PALLD: variants seen among roughly 807,000 people sequenced by gnomAD.
PALLD encodes the protein palladin, cytoskeletal associated protein, also known as palladin.
A neutral mutation model predicts 123.5 loss-of-function variants in PALLD; 61 were observed. That is an observed-to-expected ratio of 0.49 (90% CI 0.40 to 0.61). The LOEUF (loss-of-function observed/expected upper bound fraction) is 0.61, where lower values mean the gene tolerates loss of function less well. PALLD is among the 20% of genes least tolerant of loss of function. The probability of loss-of-function intolerance (pLI) is 0.00; values close to 1 mark genes in which losing one functional copy is unlikely to be tolerated. For missense variants in PALLD, 1,273 were observed against 1,377.0 expected (o/e 0.92, Z 1.20); for synonymous variants, 465 against 496.4 (o/e 0.94, Z 0.84).
chr4:168,755,880 G>C, intron 10 of PALLD: 1 of 177,900 alleles, frequency 5.6e-6, no homozygotes, highest in Non-Finnish European at 1.2e-5. Flanking sequence ...ACTCTGAAGG[G>C]GCACAGTTCT....
intron 17 of PALLD, among the ~76,000 whole-genome samples, chr4:168,917,849 T>C (rs1340508638): frequency 6.6e-6 from 1 of 152,198 alleles, no homozygotes; most frequent in Non-Finnish European, 1.5e-5. Context: ...TTAAGAATTA[T>C]ACAGTACAGC....
At chr4:168,878,529 C>T (rs1002053427) in intron 10 of PALLD, 2 of 597,680 alleles carry the variant, frequency 3.3e-6, no homozygotes, top group East Asian at 3.3e-5. Context: ...CATTTCTCTC[C>T]GTGCGATGTA....
rs961071691 is a variant in PALLD, at chr4:168,927,091, A to C, written c.*911A>C. ...TAAAAGGCTAATTTAAATATAAATA[A>C]TATAAAGTGCTCTGAATAAAGCAGA... On this transcript the variant is annotated 3_prime_UTR_variant, in exon 22 of 22. Transcript: ENST00000505667. 2 of 222,794 alleles carry C rather than the reference A, an allele frequency of 9.0e-6. No individual in the cohort carries two copies. The highest frequency in any genetic ancestry group is 4.5e-5 in the African/African-American group (2 of 44,730). The allele number at this position is 222,794 out of a possible 1,614,324, so 13.8% of individuals were successfully genotyped here.
chr4:168,520,327 C>CAA (rs1554034658), intron 2 of PALLD, among the ~76,000 whole-genome samples: 11 of 101,564 alleles, frequency 1.1e-4, no homozygotes, highest in Admixed American at 2.4e-4. Flanking sequence ...ATTCCGTCAC[C>CAA]AAAAAAAAAA....
chr4:168,776,399 C>T (rs1430581079), intron 10 of PALLD, among the ~76,000 whole-genome samples: 1 of 152,166 alleles, frequency 6.6e-6, no homozygotes, highest in Non-Finnish European at 1.5e-5. Context: ...ATTCTAGTAG[C>T]ATTTTTATAG....
intron 10 of PALLD, among the ~76,000 whole-genome samples, chr4:168,889,167 G>GT (rs35959674): frequency 0.047 from 1,950 of 41,460 alleles, 29 homozygotes; most frequent in Non-Finnish European, 0.1. Context: ...TGTGTGTGTG[G>GT]TTTTTTTTTT....
At chr4:168,729,114 C>T (rs764468431) in intron 10 of PALLD, among the ~76,000 whole-genome samples, 34 of 152,102 alleles carry the variant, frequency 2.2e-4, no homozygotes, top group South Asian at 8.3e-4. Context: ...AGAAGGTACA[C>T]GTTTTAAATT....
At chr4:168,584,665 T>C (rs1286767964) in intron 2 of PALLD, among the ~76,000 whole-genome samples, 3 of 152,190 alleles carry the variant, frequency 2.0e-5, no homozygotes, top group Non-Finnish European at 2.9e-5. Flanking sequence ...TTTCAATCTG[T>C]GGTTTGTTTC....
chr4:168,809,975 G>T (rs935835602), intron 10 of PALLD, among the ~76,000 whole-genome samples: 3 of 152,044 alleles, frequency 2.0e-5, no homozygotes, highest in Non-Finnish European at 2.9e-5. Context: ...AGAACAATGT[G>T]GGGGCAAGGA....
chr4:168,608,730 C>A (rs1373555374), intron 2 of PALLD, among the ~76,000 whole-genome samples: 1 of 151,992 alleles, frequency 6.6e-6, no homozygotes, highest in Non-Finnish European at 1.5e-5. Flanking sequence ...TTTTCTATAC[C>A]CTAACTTCTA....
At chr4:168,904,678 GAAA>G (rs899817345) in intron 15 of PALLD, among the ~76,000 whole-genome samples, 1 of 148,904 alleles carries the variant, frequency 6.7e-6, no homozygotes, top group Non-Finnish European at 1.5e-5. Flanking sequence ...CTTTTAAAAA[GAAA>G]AAAAAAGGCA....
At chr4:168,923,556 C>T (rs1761992727) in intron 18 of PALLD, among the ~76,000 whole-genome samples, 1 of 151,370 alleles carries the variant, frequency 6.6e-6, no homozygotes, top group Non-Finnish European at 1.5e-5. Context: ...ACAATCAGTC[C>T]TGAATTTTTC....
In PALLD at chr4:168,924,260, G is replaced by A; in HGVS notation, c.3064G>A (p.Glu1022Lys). The A allele has an allele frequency of 6.2e-7, 1 of 1,613,718 alleles. No individual in the cohort carries two copies. Among genetic ancestry groups the A allele is most frequent in the Non-Finnish European group, 8.5e-7 (1 of 1,179,686 alleles). The change falls in exon 19 of 22, where the codon GAA becomes AAA. Residue 1022 changes from glutamate to lysine, a missense_variant. This residue lies in a region of PALLD where 329 missense variants were observed against 422.5 expected (regional missense o/e 0.78). Coordinates refer to ENST00000505667, the MANE Select transcript of PALLD (RefSeq NM_001166108.2). ...FSLELVVAAKEAHKPPVFIEK... is the reference protein window; with the variant it reads ...FSLELVVAAKKAHKPPVFIEK... ...TTCATCTCATGTTTTCTTAGCTAAA[G>A]AAGCACACAAACCCCCTGTGTTTAT... is the stretch of plus-strand genomic sequence containing the variant.
At chr4:168,875,261 T>C (rs1433411173) in intron 10 of PALLD, among the ~76,000 whole-genome samples, 1 of 152,148 alleles carries the variant, frequency 6.6e-6, no homozygotes, top group Non-Finnish European at 1.5e-5. Flanking sequence ...AACTTCTAAG[T>C]AATTTCCAAA....
chr4:168,524,556 T>C (rs961238099), intron 2 of PALLD, among the ~76,000 whole-genome samples: 1 of 152,146 alleles, frequency 6.6e-6, no homozygotes, highest in Admixed American at 6.5e-5. Context: ...CACGTCATCA[T>C]AGAAAATGAA....
At chr4:168,557,814 A>G (rs1486703459) in intron 2 of PALLD, among the ~76,000 whole-genome samples, 1 of 152,164 alleles carries the variant, frequency 6.6e-6, no homozygotes. Context: ...GACCTACTTC[A>G]GGCTTGAGTC....
chr4:168,552,822 C>T (rs750079323), intron 2 of PALLD, among the ~76,000 whole-genome samples: 12 of 151,920 alleles, frequency 7.9e-5, no homozygotes, highest in Non-Finnish European at 1.5e-4. Context: ...ACTACAGGCG[C>T]GTGCCACCAT....
intron 10 of PALLD, among the ~76,000 whole-genome samples, chr4:168,762,503 A>G (rs1733088502): frequency 6.6e-6 from 1 of 152,206 alleles, no homozygotes. Flanking sequence ...TTCTCTGGCG[A>G]TCATTAAAAA....
chr4:168,611,058 T>C (rs1773679132), intron 2 of PALLD, among the ~76,000 whole-genome samples: 1 of 152,234 alleles, frequency 6.6e-6, no homozygotes, highest in East Asian at 1.9e-4. Flanking sequence ...AAGCAGATCC[T>C]GGAAGCTGTC....
Sources: gnomAD v4.1 joint callset for allele counts (sites outside exome capture counted in the v4.1 genomes callset) on GRCh38, gnomAD v4.1.1 for gene constraint, gnomAD v4.1.1 regional missense constraint, MANE v1.5 for transcripts, NCBI Gene and HGNC (gene_info 2026-07-23, HGNC 2026-07-21) for gene names.